The following FAHD2B variants were observed in gnomAD, a reference collection of about 807,000 sequenced individuals.
The protein encoded by FAHD2B is oxaloacetate tautomerase FAHD2B, mitochondrial.
FAHD2B carries 26 observed loss-of-function variants against 33.7 expected under a neutral mutation model. The observed-to-expected ratio is 0.77, with a 90% CI of 0.57 to 1.07. The LOEUF is 1.07. Among genes scored for constraint, FAHD2B ranks in the 50% least tolerant of loss-of-function variants. The pLI, the probability that FAHD2B is intolerant of heterozygous loss-of-function variation, is 0.00. For missense variants in FAHD2B, 272 were observed against 388.1 expected (o/e 0.70, Z 2.51); for synonymous variants, 108 against 150.9 (o/e 0.72, Z 2.08).
At chr2:97,085,085 T>C (rs1457944271) in intron 6 of FAHD2B, among the ~76,000 whole-genome samples, 2 of 152,060 alleles carry the variant, frequency 1.3e-5, no homozygotes, top group Non-Finnish European at 2.9e-5. Flanking sequence ...CACCCTTAAG[T>C]AGAGCAGCTG....
chr2:97,089,412 G>C (rs1189872193), intron 4 of FAHD2B, among the ~76,000 whole-genome samples: 16 of 147,438 alleles, frequency 1.1e-4, no homozygotes, highest in African/African-American at 3.7e-4. Context: ...CCAGCTACTC[G>C]GGAGGCTGAG....
intron 4 of FAHD2B, 120 bp downstream of exon 4, chr2:97,089,989 T>C: frequency 1.5e-6 from 2 of 1,296,746 alleles, no homozygotes; most frequent in Non-Finnish European, 1.1e-6. Flanking sequence ...TGTATAATCC[T>C]GTAGAGTTTC....
At chr2:97,091,743 G>A (rs773898977) in intron 2 of FAHD2B, 31 bp from the exon 3 acceptor site, 16 of 1,587,754 alleles carry the variant, frequency 1.0e-5, no homozygotes, top group Admixed American at 6.9e-5. Context: ...TCCAGGAGAT[G>A]GAGGATCTCA....
At chr2:97,089,289 G>A (rs1458591358) in intron 4 of FAHD2B, among the ~76,000 whole-genome samples, 1 of 151,876 alleles carries the variant, frequency 6.6e-6, no homozygotes, top group Non-Finnish European at 1.5e-5. Flanking sequence ...GGGAGGCTGA[G>A]GCAGGCAGAT....
intron 1 of FAHD2B, among the ~76,000 whole-genome samples, chr2:97,092,192 G>A (rs1312351198): frequency 6.6e-6 from 1 of 152,134 alleles, no homozygotes; most frequent in Non-Finnish European, 1.5e-5. Context: ...AATTAGCTGG[G>A]TGGCAGCCTA....
chr2:97,083,948 C>T lies in FAHD2B; in HGVS notation c.882G>A (p.Lys294=), dbSNP rs765543173. The T allele has an allele frequency of 1.2e-6, 2 of 1,613,864 alleles. No homozygotes were observed. The highest frequency in any genetic ancestry group is 1.7e-6 in the Non-Finnish European group (2 of 1,179,962). The change falls in exon 8 of 9, where the codon AAG becomes AAA. Residue 294 remains lysine (K), a splice_region_variant and synonymous_variant. Transcript: ENST00000414820. ...GVFRKPPVFL[K]KGDEVQCEIE... Reference sequence around the variant, plus strand: ...CTCTCTTTGCTTTTCGCTAACCTACCTTGAGAAAGACAGGAGGTTTCCTGA... The same window carrying T: ...CTCTCTTTGCTTTTCGCTAACCTACTTTGAGAAAGACAGGAGGTTTCCTGA...
chr2:97,091,742 T>G, intron 2 of FAHD2B, 30 bp from the exon 3 acceptor site: 1 of 1,588,658 alleles, frequency 6.3e-7, no homozygotes, highest in Non-Finnish European at 8.6e-7. Context: ...ATCCAGGAGA[T>G]GGAGGATCTC....
chr2:97,090,007 T>C (rs2032234455), intron 4 of FAHD2B, 102 bp downstream of exon 4: 5 of 1,503,432 alleles, frequency 3.3e-6, no homozygotes, highest in East Asian at 4.5e-5. Flanking sequence ...TTCTGTTGAA[T>C]GCACTACTGA....
intron 7 of FAHD2B, 35 bp downstream of exon 7, chr2:97,084,134 G>A (rs754773697): frequency 1.2e-6 from 2 of 1,613,228 alleles, no homozygotes; most frequent in South Asian, 1.1e-5. Context: ...TGTGGCAGGT[G>A]GAGCGGGGCT....
intron 6 of FAHD2B, 146 bp downstream of exon 6, chr2:97,085,553 G>A: frequency 7.5e-7 from 1 of 1,332,764 alleles, no homozygotes; most frequent in East Asian, 2.5e-5. Flanking sequence ...GGTGGCTGAG[G>A]ATAAAAGACT....
downstream of FAHD2B, chr2:97,083,437 G>C: frequency 7.2e-7 from 1 of 1,386,134 alleles, no homozygotes; most frequent in Non-Finnish European, 9.6e-7. Context: ...TAAACAAGGG[G>C]ACGAGACGAG....
downstream of FAHD2B, chr2:97,082,404 G>C (rs2031679166): frequency 6.2e-7 from 1 of 1,613,592 alleles, no homozygotes; most frequent in Non-Finnish European, 8.5e-7. Context: ...TGCAGAGTCG[G>C]GCTACACAGA....
intron 5 of FAHD2B, 47 bp downstream of exon 5, chr2:97,086,092 G>A: frequency 2.5e-6 from 4 of 1,604,450 alleles, no homozygotes; most frequent in Non-Finnish European, 2.6e-6. Context: ...GCAGGAGCTG[G>A]GGCCTCTGCT....
chr2:97,085,903 C>T (rs71429311), intron 5 of FAHD2B, 42 bp from the exon 6 acceptor site: 100 of 1,611,314 alleles, frequency 6.2e-5, no homozygotes, highest in African/African-American at 2.3e-4. Context: ...GGTTAGATCA[C>T]GGGTGACACC....
At chr2:97,089,990 G>A in intron 4 of FAHD2B, 119 bp downstream of exon 4, 3 of 1,319,480 alleles carry the variant, frequency 2.3e-6, no homozygotes, top group Non-Finnish European at 3.2e-6. Flanking sequence ...GTATAATCCT[G>A]TAGAGTTTCT....
chr2:97,083,485 A>G (rs1029599271), downstream of FAHD2B: 125 of 984,102 alleles, frequency 1.3e-4, 1 homozygote, highest in Admixed American at 9.4e-5. Context: ...TTTTTGGCGT[A>G]TGTGTGTGTA....
downstream of FAHD2B, chr2:97,081,004 A>T (rs2031623169): frequency 1.7e-6 from 2 of 1,182,766 alleles, no homozygotes; most frequent in Non-Finnish European, 2.2e-6. Context: ...GCGGTGCCTC[A>T]TGCCTGTGAT....
At chr2:97,088,341 G>C (rs2032123641) in intron 4 of FAHD2B, among the ~76,000 whole-genome samples, 1 of 152,070 alleles carries the variant, frequency 6.6e-6, no homozygotes, top group African/African-American at 2.4e-5. Flanking sequence ...GCTATGGGAG[G>C]GACCCGGTGG....
chr2:97,083,775 T>C lies in FAHD2B; in HGVS notation c.925A>G (p.Ile309Val), dbSNP rs138888235. Residue 309 changes from isoleucine (I) to valine (V), a missense_variant, in exon 9 of 9, where the codon ATC becomes GTC. Physicochemically the swap from Ile to Val is conservative, Grantham distance 29. Coordinates refer to ENST00000414820, the MANE Select transcript of FAHD2B (RefSeq NM_001320848.2). ...AGCCATCACACCACCTTGTTGATGA[T>C]GACACCTAGTTCTTCAATCTCACAC... is the stretch of plus-strand genomic sequence containing the variant. The part of the protein sequence containing the change: ...VQCEIEELGV[I>V]INKVV The C allele has an allele frequency of 1.7e-3, 2,770 of 1,614,134 alleles. 13 individuals are homozygous for C. Among genetic ancestry groups the C allele is most frequent in the East Asian group, 0.015 (680 of 44,878 alleles).
Sources: gnomAD v4.1 joint callset for allele counts (sites outside exome capture counted in the v4.1 genomes callset) on GRCh38, gnomAD v4.1.1 for gene constraint, MANE v1.5 for transcripts, NCBI Gene and HGNC (gene_info 2026-07-23, HGNC 2026-07-21) for gene names.